The following MAEA variants were observed in gnomAD, a reference collection of about 807,000 sequenced individuals.
The protein encoded by MAEA is macrophage erythroblast attacher, E3 ubiquitin ligase.
MAEA carries 22 observed loss-of-function variants against 46.2 expected under a neutral mutation model. The observed-to-expected ratio is 0.48, with a 90% CI of 0.34 to 0.68. The LOEUF (loss-of-function observed/expected upper bound fraction) is 0.68. Among genes scored for constraint, MAEA ranks in the 30% least tolerant of loss-of-function variants. The pLI, the probability that MAEA is intolerant of heterozygous loss-of-function variation, is 0.01. For missense variants in MAEA, 393 were observed against 558.1 expected (o/e 0.70, Z 2.98); for synonymous variants, 246 against 222.6 (o/e 1.11, Z -0.94).
intron 7 of MAEA, 85 bp from the exon 8 acceptor site, chr4:1,338,337 A>C: frequency 9.4e-7 from 1 of 1,069,304 alleles, no homozygotes; most frequent in Admixed American, 2.3e-5. Flanking sequence ...AAGGGCACGC[A>C]GCCCAGGGCA....
At chr4:1,307,177 A>G (rs1011405481) in intron 1 of MAEA, among the ~76,000 whole-genome samples, 3 of 152,218 alleles carry the variant, frequency 2.0e-5, no homozygotes, top group Non-Finnish European at 4.4e-5. Context: ...TTTGCCATCA[A>G]CCATTTTATA....
chr4:1,303,009 G>T, intron 1 of MAEA, among the ~76,000 whole-genome samples: 1 of 151,950 alleles, frequency 6.6e-6, no homozygotes, highest in Non-Finnish European at 1.5e-5. Flanking sequence ...CAACCTGGCC[G>T]TTCTTCAGGT....
At chr4:1,332,376 T>G (rs1343538480) in intron 5 of MAEA, 1 of 177,446 alleles carries the variant, frequency 5.6e-6, no homozygotes, top group Non-Finnish European at 1.2e-5. Context: ...GCGATTACTT[T>G]GTACCTAGAC....
chr4:1,338,357 C>T, intron 7 of MAEA, 65 bp from the exon 8 acceptor site: 2 of 1,371,246 alleles, frequency 1.5e-6, no homozygotes, highest in Admixed American at 3.8e-5. Flanking sequence ...AGAGTGGCCA[C>T]AGGGGGCTGG....
At chr4:1,334,847 G>C in intron 6 of MAEA, 1 of 985,244 alleles carries the variant, frequency 1.0e-6, no homozygotes, top group Non-Finnish European at 1.2e-6. Flanking sequence ...TTCTCAGTGA[G>C]GACCTTCTGG....
intron 1 of MAEA, among the ~76,000 whole-genome samples, chr4:1,294,374 T>TG (rs1734416580): frequency 6.6e-6 from 1 of 152,158 alleles, no homozygotes; most frequent in South Asian, 2.1e-4. Context: ...CACTGCTAGC[T>TG]GGGGGGTTGG....
intron 1 of MAEA, among the ~76,000 whole-genome samples, chr4:1,294,092 G>A (rs372722961): frequency 2.6e-5 from 4 of 152,212 alleles, no homozygotes; most frequent in South Asian, 2.1e-4. Context: ...TTCTGTGGCC[G>A]GCTTTTTCGA....
intron 5 of MAEA, chr4:1,328,751 T>C: frequency 1.7e-6 from 2 of 1,196,420 alleles, no homozygotes; most frequent in Non-Finnish European, 1.1e-6. Flanking sequence ...TCCCTGCCCT[T>C]GCGTGGACCC....
At chr4:1,302,611 C>G (rs1735424824) in intron 1 of MAEA, among the ~76,000 whole-genome samples, 1 of 152,200 alleles carries the variant, frequency 6.6e-6, no homozygotes, top group African/African-American at 2.4e-5. Context: ...TCCCAAGTAG[C>G]TGGGACTACA....
chr4:1,332,677 C>A, intron 5 of MAEA, 80 bp from the exon 6 acceptor site: 1 of 1,074,696 alleles, frequency 9.3e-7, no homozygotes, highest in Non-Finnish European at 1.4e-6. Context: ...GCACTGCAGC[C>A]TGGGTGACAG....
chr4:1,294,678 A>G (rs928248543), intron 1 of MAEA, among the ~76,000 whole-genome samples: 1 of 151,714 alleles, frequency 6.6e-6, no homozygotes, highest in Non-Finnish European at 1.5e-5. Flanking sequence ...TGGGGAGACA[A>G]GTGAGGCCCC....
intron 2 of MAEA, 44 bp from the exon 3 acceptor site, chr4:1,315,353 G>A (rs545816325): frequency 5.7e-6 from 9 of 1,574,146 alleles, no homozygotes; most frequent in Admixed American, 3.3e-5. Flanking sequence ...GCAGGGCTGC[G>A]GGGCATCCCT....
In MAEA at chr4:1,327,705, T is replaced by A; in HGVS notation, c.656+2T>A. On this transcript the variant is annotated splice_donor_variant, in intron 5 of 8. Transcript: ENST00000303400. LOFTEE classifies it high-confidence loss of function. ...GAATAAGAGACTGGACGCTGTGAGG[T>A]AGGCATTGCGGACGTGCGTCTCCTC... The A allele has an allele frequency of 6.2e-7, 1 of 1,613,236 alleles. No homozygotes were observed. The highest frequency in any genetic ancestry group is 8.5e-7 in the Non-Finnish European group (1 of 1,179,618).
chr4:1,314,735 G>C (rs943264976), intron 2 of MAEA, among the ~76,000 whole-genome samples: 1 of 152,234 alleles, frequency 6.6e-6, no homozygotes, highest in African/African-American at 2.4e-5. Context: ...AAAAGCTCCT[G>C]AGGGCAAAAG....
In MAEA at chr4:1,326,670, A is replaced by G. The variant is rs577311511; in HGVS notation, c.580-957A>G. On this transcript the variant is annotated intron_variant, in intron 4 of 8. Coordinates refer to ENST00000303400, the MANE Select transcript of MAEA (RefSeq NM_001017405.3). ...ATAGTGCCTTCAGCCAGCAGCCCCA[A>G]CTCGGCCTCTCTCCGTCTTCTACAC... Among the ~76,000 whole-genome samples, 13 of 146,444 alleles carry G rather than the reference A, an allele frequency of 8.9e-5. No individual in the cohort carries two copies. The South Asian group carries it at 2.0e-3, about 22-fold the overall frequency.
At chr4:1,321,665 A>G (rs934488064) in intron 3 of MAEA, among the ~76,000 whole-genome samples, 1 of 152,082 alleles carries the variant, frequency 6.6e-6, no homozygotes, top group African/African-American at 2.4e-5. Context: ...CCTTGGTCCC[A>G]CTGGGGAAGG....
At chr4:1,297,918 C>G in intron 1 of MAEA, 1 of 448,054 alleles carries the variant, frequency 2.2e-6, no homozygotes, top group African/African-American at 2.0e-5. Flanking sequence ...CGCGATGTAG[C>G]CCCATCCCCT....
chr4:1,329,659 C>T (rs554724999), intron 5 of MAEA: 42 of 985,550 alleles, frequency 4.3e-5, no homozygotes, highest in African/African-American at 3.8e-4. Context: ...CTCAGCTCAG[C>T]GTGGCCCTGG....
At chr4:1,295,670 C>T (rs1394699443) in intron 1 of MAEA, among the ~76,000 whole-genome samples, 1 of 138,724 alleles carries the variant, frequency 7.2e-6, no homozygotes, top group Non-Finnish European at 1.6e-5. Context: ...CTCCTGTACC[C>T]CCTCACCCGC....
Sources: gnomAD v4.1 joint callset for allele counts (sites outside exome capture counted in the v4.1 genomes callset) on GRCh38, gnomAD v4.1.1 for gene constraint, MANE v1.5 for transcripts, NCBI Gene and HGNC (gene_info 2026-07-23, HGNC 2026-07-21) for gene names.